The following DDC variants were observed in gnomAD, a reference collection of about 807,000 sequenced individuals.
DDC encodes the protein aromatic-L-amino-acid decarboxylase.
A neutral mutation model predicts 60.0 loss-of-function variants in DDC; 43 were observed. The observed-to-expected ratio is 0.72, with a 90% confidence interval of 0.56 to 0.92. The LOEUF (loss-of-function observed/expected upper bound fraction) is 0.92. DDC is among the 40% of genes least tolerant of loss of function. The probability of loss-of-function intolerance (pLI) is 0.00; values close to 1 mark genes in which losing one functional copy is unlikely to be tolerated. For synonymous variants in DDC, 232 were observed against 234.6 expected (o/e 0.99, Z 0.10); for missense variants, 573 against 620.2 (o/e 0.92, Z 0.81).
intron 9 of DDC, among the ~76,000 whole-genome samples, chr7:50,491,076 T>G (rs879897593): frequency 1.2e-4 from 19 of 152,272 alleles, no homozygotes; most frequent in African/African-American, 3.9e-4. Flanking sequence ...AATAATGTTG[T>G]CAGTTTTTTT....
At chr7:50,547,355 G>A (rs1162928131) in intron 1 of DDC, among the ~76,000 whole-genome samples, 1 of 151,866 alleles carries the variant, frequency 6.6e-6, no homozygotes, top group Admixed American at 6.6e-5. Flanking sequence ...GGACTACAGG[G>A]CATGGTGGCA....
intron 5 of DDC, 73 bp downstream of exon 5, chr7:50,529,135 T>C: frequency 1.3e-6 from 2 of 1,594,288 alleles, no homozygotes; most frequent in Non-Finnish European, 1.7e-6. Flanking sequence ...GCTGTTTGGT[T>C]TGGTTTGAAT....
chr7:50,535,324 T>G (rs2044366579), intron 4 of DDC, among the ~76,000 whole-genome samples: 1 of 152,112 alleles, frequency 6.6e-6, no homozygotes, highest in South Asian at 2.1e-4. Flanking sequence ...TTTTTGTATT[T>G]TTAGTAGAGA....
intron 3 of DDC, 22 bp downstream of exon 3, chr7:50,539,893 C>T (rs867667054): frequency 4.4e-6 from 7 of 1,591,614 alleles, no homozygotes; most frequent in South Asian, 1.1e-5. Context: ...GACCCCTTCC[C>T]GAGGTGCATC....
In DDC at chr7:50,478,039, CAAAA is replaced by C. The variant is rs58996327; in HGVS notation, c.1022-1400_1022-1397del. On this transcript the variant is annotated intron_variant, in intron 10 of 14. Coordinates refer to ENST00000444124, the MANE Select transcript of DDC (RefSeq NM_001082971.2). ...CAACATGGTGAAACCCCGTCTCTAC[CAAAA>C]AAAAAAAAAAATACAAAAAATTATC... Among the ~76,000 whole-genome samples the C allele has an allele frequency of 4.8e-4, 69 of 145,244 alleles. No homozygotes were observed. In the East Asian group the frequency reaches 0.013, roughly 27 times the overall value.
chr7:50,507,358 C>A (rs2043427572), intron 6 of DDC, among the ~76,000 whole-genome samples: 1 of 152,130 alleles, frequency 6.6e-6, no homozygotes, highest in Admixed American at 6.5e-5. Context: ...CTGCCTCAGT[C>A]TCCCGAGTAG....
chr7:50,469,438 A>G (rs978293498), intron 12 of DDC, among the ~76,000 whole-genome samples: 2 of 152,010 alleles, frequency 1.3e-5, no homozygotes, highest in Non-Finnish European at 2.9e-5. Flanking sequence ...GGGAATATCT[A>G]TCTTATTCTG....
chr7:50,488,792 A>G (rs1358671479), intron 9 of DDC, among the ~76,000 whole-genome samples: 3 of 152,216 alleles, frequency 2.0e-5, no homozygotes, highest in Non-Finnish European at 2.9e-5. Context: ...AAATTACAAG[A>G]CATTTTAATT....
intron 12 of DDC, among the ~76,000 whole-genome samples, chr7:50,468,780 C>G (rs985126334): frequency 8.6e-5 from 13 of 152,046 alleles, no homozygotes; most frequent in Admixed American, 6.5e-5. Flanking sequence ...TCCCATGAAG[C>G]CTGGGGACCT....
In DDC at chr7:50,463,156, G is replaced by A. The variant is rs1397499872; in HGVS notation, c.*18+57C>T. On this transcript the variant is annotated intron_variant, in intron 14 of 14. Transcript: ENST00000444124. ...CTGTAGCTGGGTCTGGACTCCAGGA[G>A]GACACTCTTGCCACGGGACAAGGAG... 3 of 1,418,924 alleles carry A rather than the reference G, an allele frequency of 2.1e-6. No homozygotes were observed. In the African/African-American group the frequency reaches 4.3e-5, roughly 20 times the overall value. The allele number at this position is 1,418,924 out of a possible 1,614,324, so 87.9% of individuals were successfully genotyped here.
At chr7:50,462,240 A>AG (rs1490288384) in intron 14 of DDC, among the ~76,000 whole-genome samples, 1 of 150,570 alleles carries the variant, frequency 6.6e-6, no homozygotes, top group African/African-American at 2.4e-5. Flanking sequence ...AAAAAAAAAA[A>AG]AAAAAAAAGA....
intron 6 of DDC, among the ~76,000 whole-genome samples, chr7:50,525,517 A>C (rs763547975): frequency 6.6e-6 from 1 of 152,178 alleles, no homozygotes; most frequent in Non-Finnish European, 1.5e-5. Context: ...TAATCCCAGC[A>C]CTTTGGAAGG....
At chr7:50,495,011 T>G (rs932188655) in intron 9 of DDC, among the ~76,000 whole-genome samples, 1 of 152,152 alleles carries the variant, frequency 6.6e-6, no homozygotes, top group Non-Finnish European at 1.5e-5. Context: ...AAACTTAGCA[T>G]TACACTAAGA....
intron 6 of DDC, among the ~76,000 whole-genome samples, chr7:50,513,457 G>A (rs1402546337): frequency 6.6e-6 from 1 of 152,198 alleles, no homozygotes; most frequent in Non-Finnish European, 1.5e-5. Flanking sequence ...GTAACAGTTC[G>A]AACGGATGAG....
At chr7:50,548,849 C>T (rs114639329) in intron 1 of DDC, among the ~76,000 whole-genome samples, 1,917 of 152,308 alleles carry the variant, frequency 0.013, 51 homozygotes, top group African/African-American at 0.044. Flanking sequence ...GAAGTCAATG[C>T]CCGGCTTCAA....
At chr7:50,471,024 C>G (rs1178350868) in intron 11 of DDC, among the ~76,000 whole-genome samples, 1 of 152,198 alleles carries the variant, frequency 6.6e-6, no homozygotes, top group African/African-American at 2.4e-5. Context: ...GGCCATCTGC[C>G]GGGTGGGACT....
At chr7:50,558,406 A>G (rs1422347885) in intron 1 of DDC, among the ~76,000 whole-genome samples, 1 of 152,038 alleles carries the variant, frequency 6.6e-6, no homozygotes, top group African/African-American at 2.4e-5. Flanking sequence ...ATGCTTCCCT[A>G]TTCCTCATAT....
intron 9 of DDC, chr7:50,492,546 C>T (rs543285559): frequency 8.1e-5 from 25 of 309,228 alleles, no homozygotes; most frequent in Admixed American, 3.7e-4. Flanking sequence ...TCAAGTATTG[C>T]AACCACCCTG....
rs1364054304 is a variant in DDC, at chr7:50,537,978, GC to G, written c.316del (p.Ala106ArgfsTer12). ...GAIGCIGFSW[A>X]ASPACTELET... ...CAGCTCTGTGCATGCTGGGCTTGCC[GC>G]CTGTCGTGGGGGAAGGGAAGGGATT... On this transcript the variant is annotated frameshift_variant and splice_region_variant, in exon 4 of 15. Transcript: ENST00000444124. LOFTEE classifies it high-confidence loss of function. The G allele has an allele frequency of 4.3e-6, 7 of 1,614,016 alleles. No individual in the cohort carries two copies. Among genetic ancestry groups the G allele is most frequent in the Non-Finnish European group, 5.9e-6 (7 of 1,180,038 alleles).
Sources: allele counts gnomAD v4.1 joint callset (sites outside exome capture counted in the v4.1 genomes callset), GRCh38; gene constraint gnomAD v4.1.1; transcripts MANE v1.5; gene names NCBI Gene and HGNC (gene_info 2026-07-23, HGNC 2026-07-21).